Variants in MSR1 observed in about 807,000 individuals in gnomAD.
The protein encoded by MSR1 is macrophage scavenger receptor types I and II.
Under a neutral mutation model 47.2 loss-of-function variants are expected in MSR1, and 53 were observed. That is an observed-to-expected ratio of 1.12 (90% confidence interval 0.90 to 1.41). The LOEUF is 1.41. MSR1 is among the 40% of genes most tolerant of loss of function. The pLI is 0.00. For missense variants in MSR1, 786 were observed against 546.9 expected (o/e 1.44, Z -4.36); for synonymous variants, 239 against 185.6 (o/e 1.29, Z -2.34).
At chr8:16,123,339 T>G (rs1800049879) in intron 8 of MSR1, among the ~76,000 whole-genome samples, 2 of 152,214 alleles carry the variant, frequency 1.3e-5, no homozygotes, top group Non-Finnish European at 2.9e-5. Context: ...CTTCACCTAC[T>G]ATTCAACTGC....
At chr8:16,156,723 A>C (rs1287856881) in intron 5 of MSR1, among the ~76,000 whole-genome samples, 2 of 151,794 alleles carry the variant, frequency 1.3e-5, no homozygotes, top group Non-Finnish European at 2.9e-5. Flanking sequence ...TTTCCACATA[A>C]TCGTCATGCA....
rs772949035 is a variant in MSR1 at position 16,177,860 on chromosome 8, T to C, written c.103+26A>G. 8.2e-6 allele frequency: 13 copies of C among 1,580,440 alleles called. No homozygotes were observed. The South Asian group carries it at 1.2e-4, about 15-fold the overall frequency. On this transcript the variant is annotated intron_variant, in intron 2 of 9. Coordinates refer to ENST00000262101, the MANE Select transcript of MSR1 (RefSeq NM_138715.3). ...TCAATAACTCTAAGAACAACCTCCA[T>C]GGGCAGCCCATCCCCCTCTACTTAC...
At chr8:16,131,998 G>GT (rs150801416) in intron 8 of MSR1, among the ~76,000 whole-genome samples, 4,757 of 144,930 alleles carry the variant, frequency 0.033, 169 homozygotes, top group African/African-American at 0.089. Flanking sequence ...TTACAATAGG[G>GT]TTTTTTTTTT....
intron 4 of MSR1, among the ~76,000 whole-genome samples, chr8:16,168,249 T>C (rs557402846): frequency 2.6e-5 from 4 of 152,190 alleles, no homozygotes; most frequent in African/African-American, 9.6e-5. Context: ...ATGGGAAAAA[T>C]TTCCCCTTTT....
chr8:16,164,537 T>G (rs11994704), intron 4 of MSR1, among the ~76,000 whole-genome samples: 22,531 of 151,868 alleles, frequency 0.15, 2,426 homozygotes, highest in African/African-American at 0.29. Context: ...ATGTCAAAAT[T>G]CTAACAATAA....
chr8:16,177,869 C>A lies in MSR1; in HGVS notation c.103+17G>T. ...CTAAGAACAACCTCCATGGGCAGCC[C>A]ATCCCCCTCTACTTACTCGGAGGAA... On this transcript the variant is annotated intron_variant, in intron 2 of 9. Transcript: ENST00000262101. The A allele has an allele frequency of 6.2e-7, 1 of 1,603,808 alleles. No homozygotes were observed. The highest frequency in any genetic ancestry group is 8.5e-7 in the Non-Finnish European group (1 of 1,170,806).
chr8:16,114,938 G>A (rs1231408846), intron 9 of MSR1, among the ~76,000 whole-genome samples: 1 of 152,160 alleles, frequency 6.6e-6, no homozygotes, highest in East Asian at 1.9e-4. Flanking sequence ...AGCACTTTGG[G>A]AGGCTGAGGT....
intron 6 of MSR1, among the ~76,000 whole-genome samples, chr8:16,154,726 G>T (rs1800952356): frequency 6.6e-6 from 1 of 151,894 alleles, no homozygotes; most frequent in Admixed American, 6.6e-5. Flanking sequence ...ATGATCTACG[G>T]TTAGGTCTGC....
At chr8:16,123,118 T>G (rs2117068001) in intron 8 of MSR1, among the ~76,000 whole-genome samples, 1 of 152,246 alleles carries the variant, frequency 6.6e-6, no homozygotes, top group African/African-American at 2.4e-5. Flanking sequence ...GTGCTGGGAT[T>G]ACAGGCATAA....
intron 1 of MSR1, among the ~76,000 whole-genome samples, chr8:16,179,532 G>A (rs1585194118): frequency 6.6e-6 from 1 of 151,962 alleles, no homozygotes; most frequent in East Asian, 1.9e-4. Context: ...TTTCCCTTAG[G>A]ACAAATAGTT....
intron 9 of MSR1, among the ~76,000 whole-genome samples, chr8:16,116,689 T>C (rs1322136964): frequency 1.6e-4 from 24 of 151,864 alleles, no homozygotes; most frequent in Admixed American, 1.6e-3. Context: ...TATAGAGATA[T>C]AAGCAGGAAT....
intron 8 of MSR1, 152 bp from the exon 9 acceptor site, chr8:16,120,758 C>G: frequency 1.0e-6 from 1 of 952,772 alleles, no homozygotes; most frequent in South Asian, 1.8e-5. Context: ...ATTAAACTTT[C>G]TAGCACCACC....
At chr8:16,141,434 G>A (rs943687043) in intron 8 of MSR1, among the ~76,000 whole-genome samples, 1 of 152,132 alleles carries the variant, frequency 6.6e-6, no homozygotes, top group Non-Finnish European at 1.5e-5. Context: ...GGTGATTATG[G>A]TGTAGCTGAA....
At chr8:16,188,967 CATATATATATATATAT>C (rs200739372) in intron 1 of MSR1, among the ~76,000 whole-genome samples, 1 of 122,278 alleles carries the variant, frequency 8.2e-6, no homozygotes, top group African/African-American at 2.9e-5. Flanking sequence ...AACACACATA[CATATATATATATATAT>C]ATATATATAT....
intron 3 of MSR1, among the ~76,000 whole-genome samples, chr8:16,172,426 A>G (rs1216252859): frequency 6.6e-6 from 1 of 152,144 alleles, no homozygotes; most frequent in African/African-American, 2.4e-5. Context: ...TTTATCATAT[A>G]TCTAGGTAAA....
intron 1 of MSR1, among the ~76,000 whole-genome samples, chr8:16,180,106 GTCTC>G (rs371817658): frequency 3.7e-5 from 5 of 133,806 alleles, no homozygotes; most frequent in South Asian, 2.5e-4. Flanking sequence ...CTCTCTGTCT[GTCTC>G]TCTCTCTCTC....
chr8:16,167,683 T>G (rs937640239), intron 4 of MSR1, among the ~76,000 whole-genome samples: 3 of 152,228 alleles, frequency 2.0e-5, no homozygotes, highest in Non-Finnish European at 4.4e-5. Context: ...AGTGCTCTTC[T>G]GACCCTATTT....
At chr8:16,118,683 CA>C (rs1022475203) in intron 9 of MSR1, among the ~76,000 whole-genome samples, 1 of 151,346 alleles carries the variant, frequency 6.6e-6, no homozygotes, top group African/African-American at 2.4e-5. Flanking sequence ...TCTCCAAAAC[CA>C]AAAAAACAAA....
chr8:16,111,230 C>T (rs1799749499), intron 9 of MSR1, among the ~76,000 whole-genome samples: 1 of 152,030 alleles, frequency 6.6e-6, no homozygotes, highest in African/African-American at 2.4e-5. Context: ...AACAATTGCA[C>T]AAATAGTAAG....
Sources: gnomAD v4.1 joint callset for allele counts (sites outside exome capture counted in the v4.1 genomes callset) on GRCh38, gnomAD v4.1.1 for gene constraint, MANE v1.5 for transcripts, NCBI Gene and HGNC (gene_info 2026-07-23, HGNC 2026-07-21) for gene names.